The following C13orf42 variants were observed in gnomAD, a reference collection of about 807,000 sequenced individuals.
The protein encoded by C13orf42 is uncharacterized protein C13orf42.
intron 1 of C13orf42, among the ~76,000 whole-genome samples, chr13:51,153,626 TTTTC>T (rs1566140689): frequency 1.4e-5 from 2 of 142,604 alleles, no homozygotes; most frequent in South Asian, 2.3e-4. Context: ...TTTCTGTTTT[TTTTC>T]TTTTTTTTTT....
intron 1 of C13orf42, among the ~76,000 whole-genome samples, chr13:51,101,881 G>A (rs190584562): frequency 9.8e-5 from 15 of 152,318 alleles, no homozygotes; most frequent in African/African-American, 2.9e-4. Context: ...CAAGAAGTTA[G>A]CCAGGTGAAC....
chr13:51,167,016 T>G (rs1593560362), intron 1 of C13orf42, among the ~76,000 whole-genome samples: 1 of 151,644 alleles, frequency 6.6e-6, no homozygotes, highest in African/African-American at 2.4e-5. Flanking sequence ...GAGACAGAGG[T>G]TGCAGTGAGC....
chr13:51,158,596 C>CCTTGCA (rs1953840495), intron 1 of C13orf42, among the ~76,000 whole-genome samples: 1 of 152,170 alleles, frequency 6.6e-6, no homozygotes, highest in Admixed American at 6.5e-5. Flanking sequence ...CTGTCTGTCA[C>CCTTGCA]CTTGCACTTT....
chr13:51,087,331 C>T (rs1302456837), intron 2 of C13orf42, among the ~76,000 whole-genome samples: 1 of 152,210 alleles, frequency 6.6e-6, no homozygotes, highest in African/African-American at 2.4e-5. Flanking sequence ...CTATGCACCA[C>T]CCTACTACCT....
intron 1 of C13orf42, chr13:51,162,437 A>G (rs1359007945): frequency 1.3e-5 from 2 of 152,332 alleles, no homozygotes; most frequent in African/African-American, 2.4e-5. Flanking sequence ...GACATTCTCC[A>G]TCTTGTCATA....
chr13:51,166,606 C>G (rs1427579527), intron 1 of C13orf42, among the ~76,000 whole-genome samples: 1 of 144,900 alleles, frequency 6.9e-6, no homozygotes, highest in South Asian at 2.2e-4. Context: ...AAAAAAAAAG[C>G]CAGGAAGTAG....
At chr13:51,145,252 C>T (rs914875353) in intron 1 of C13orf42, among the ~76,000 whole-genome samples, 5 of 152,120 alleles carry the variant, frequency 3.3e-5, no homozygotes, top group African/African-American at 9.7e-5. Context: ...ATAACAGTAA[C>T]CTATTTACAT....
intron 1 of C13orf42, among the ~76,000 whole-genome samples, chr13:51,100,240 T>C (rs1261570870): frequency 6.6e-6 from 1 of 151,362 alleles, no homozygotes; most frequent in African/African-American, 2.4e-5. Context: ...CCTTGGAACA[T>C]GGAAGGACTT....
intron 2 of C13orf42, among the ~76,000 whole-genome samples, chr13:51,086,224 G>A (rs544874707): frequency 4.0e-5 from 6 of 151,432 alleles, no homozygotes; most frequent in South Asian, 2.1e-4. Context: ...GGAGAATGGC[G>A]TGAACCTGGC....
chr13:51,138,623 C>T (rs7326863), intron 1 of C13orf42, among the ~76,000 whole-genome samples: 90,177 of 152,018 alleles, frequency 0.59, 27,273 homozygotes, highest in African/African-American at 0.71. Context: ...ATTGGAACCC[C>T]GTATACTGTT....
Position 51,082,637 on chromosome 13 carries a change from G to C in C13orf42, c.*1514C>G, listed in dbSNP as rs1276095902. On this transcript the variant is annotated 3_prime_UTR_variant, in exon 4 of 4. Transcript: ENST00000563710. ...AAGATCTGTGGTGATAAATGGCAGTGCTTTAATGCAGTTTATAAAACAAAT... is the reference window on the plus strand; with the variant it reads ...AAGATCTGTGGTGATAAATGGCAGTCCTTTAATGCAGTTTATAAAACAAAT... The C allele has an allele frequency of 6.6e-6, 1 of 152,156 alleles. No individual in the cohort carries two copies. Among genetic ancestry groups the C allele is most frequent in the African/African-American group, 2.4e-5 (1 of 41,422 alleles). The allele number at this position is 152,156 out of a possible 1,614,324, so 9.4% of individuals were successfully genotyped here. A position where few individuals can be genotyped will look rare whatever the true frequency, so the allele number is the denominator to read the frequency against.
chr13:51,125,960 T>C (rs569716890), intron 1 of C13orf42, among the ~76,000 whole-genome samples: 10 of 152,358 alleles, frequency 6.6e-5, no homozygotes, highest in African/African-American at 2.4e-4. Flanking sequence ...GGATCAGCCC[T>C]GGTCCTGCTC....
At chr13:51,107,262 T>C (rs750827548) in intron 1 of C13orf42, among the ~76,000 whole-genome samples, 8 of 152,228 alleles carry the variant, frequency 5.3e-5, no homozygotes, top group Non-Finnish European at 1.2e-4. Context: ...GCCATATGTC[T>C]TGATCCAGTA....
At chr13:51,095,605 T>G (rs942827803) in intron 1 of C13orf42, among the ~76,000 whole-genome samples, 4 of 152,178 alleles carry the variant, frequency 2.6e-5, no homozygotes, top group Admixed American at 6.5e-5. Context: ...TCTTCAAGTC[T>G]GCTGATTTTT....
chr13:51,169,328 T>TTTGTTATG (rs1593561278), intron 1 of C13orf42, among the ~76,000 whole-genome samples: 1 of 152,182 alleles, frequency 6.6e-6, no homozygotes, highest in East Asian at 1.9e-4. Flanking sequence ...AGAGCCAAAG[T>TTTGTTATG]CACTTTTGTT....
chr13:51,141,094 AGGT>A (rs1288719694), intron 1 of C13orf42, among the ~76,000 whole-genome samples: 3 of 64,052 alleles, frequency 4.7e-5, no homozygotes, highest in Non-Finnish European at 9.6e-5. Flanking sequence ...CATCGAAGGG[AGGT>A]GTGTGTGTGT....
chr13:51,117,379 G>A (rs1375130782), intron 1 of C13orf42, among the ~76,000 whole-genome samples: 1 of 152,224 alleles, frequency 6.6e-6, no homozygotes, highest in Non-Finnish European at 1.5e-5. Context: ...ATAATTAGGA[G>A]TGGATTATAT....
intron 2 of C13orf42, among the ~76,000 whole-genome samples, chr13:51,087,329 C>A (rs1953138938): frequency 2.0e-5 from 3 of 152,210 alleles, no homozygotes; most frequent in Admixed American, 6.5e-5. Context: ...CCCTATGCAC[C>A]ACCCTACTAC....
At chr13:51,136,761 C>A (rs953099639) in intron 1 of C13orf42, among the ~76,000 whole-genome samples, 1 of 152,206 alleles carries the variant, frequency 6.6e-6, no homozygotes, top group African/African-American at 2.4e-5. Flanking sequence ...AGGGCCAGGA[C>A]CCCCAGGAGC....
Sources: gnomAD v4.1 joint callset for allele counts (sites outside exome capture counted in the v4.1 genomes callset) on GRCh38, gnomAD v4.1.1 for gene constraint, MANE v1.5 for transcripts, NCBI Gene and HGNC (gene_info 2026-07-23, HGNC 2026-07-21) for gene names.